Variants in PRKDC observed in about 807,000 individuals in gnomAD.
PRKDC encodes the protein DNA-dependent protein kinase catalytic subunit.
PRKDC carries 82 observed loss-of-function variants against 486.9 expected under a neutral mutation model. The ratio of observed to expected loss-of-function variants is 0.17; its 90% confidence interval spans 0.14 to 0.20. PRKDC has a LOEUF of 0.20. Among genes scored for constraint, PRKDC ranks in the 10% least tolerant of loss-of-function variants. The pLI, the probability that PRKDC is intolerant of heterozygous loss-of-function variation, is 1.00. For missense variants in PRKDC, 4,504 were observed against 5,038.2 expected, an observed-to-expected ratio of 0.89 and a Z score of 3.21; for synonymous variants, 1,895 against 1,837.0, an observed-to-expected ratio of 1.03 and a Z score of -0.81.
chr8:47,903,891 G>A (rs2154502411), intron 26 of PRKDC, among the ~76,000 whole-genome samples: 1 of 152,260 alleles, frequency 6.6e-6, no homozygotes, highest in Admixed American at 6.5e-5. Flanking sequence ...GGTAGACACT[G>A]CAGGGAATTA....
chr8:47,919,752 A>G (rs1369915438), intron 21 of PRKDC, among the ~76,000 whole-genome samples: 1 of 147,424 alleles, frequency 6.8e-6, no homozygotes, highest in Non-Finnish European at 1.5e-5. Context: ...GAGCTCCAAT[A>G]AGTTAAGAAT....
intron 19 of PRKDC, among the ~76,000 whole-genome samples, chr8:47,928,349 C>T (rs2090189461): frequency 6.6e-6 from 1 of 151,716 alleles, no homozygotes; most frequent in South Asian, 2.1e-4. Flanking sequence ...GATGGGATTT[C>T]GCCATGTTGG....
chr8:47,892,122 G>A (rs570170408), intron 31 of PRKDC, among the ~76,000 whole-genome samples: 1 of 152,178 alleles, frequency 6.6e-6, no homozygotes, highest in Admixed American at 6.5e-5. Flanking sequence ...TGCCCATCTC[G>A]GCCTCCCAAA....
At chr8:47,851,579 G>A (rs1419461818) in intron 52 of PRKDC, among the ~76,000 whole-genome samples, 1 of 152,200 alleles carries the variant, frequency 6.6e-6, no homozygotes. Context: ...CAGCCCAACA[G>A]TGACTATGGC....
chr8:47,916,583 G>C (rs544135969), intron 22 of PRKDC, among the ~76,000 whole-genome samples: 28 of 152,240 alleles, frequency 1.8e-4, no homozygotes, highest in Non-Finnish European at 3.7e-4. Context: ...GGCAGGCTCG[G>C]TTCATTTTAG....
intron 21 of PRKDC, among the ~76,000 whole-genome samples, chr8:47,919,549 A>G (rs2090040823): frequency 6.6e-6 from 1 of 152,148 alleles, no homozygotes; most frequent in African/African-American, 2.4e-5. Context: ...GCGCCGCGGG[A>G]GGGCACCTGC....
intron 31 of PRKDC, among the ~76,000 whole-genome samples, chr8:47,892,706 A>C (rs1012482992): frequency 3.9e-5 from 6 of 152,186 alleles, no homozygotes; most frequent in African/African-American, 1.4e-4. Flanking sequence ...AAGCAAAAAA[A>C]ACTTAATACT....
intron 44 of PRKDC, 85 bp from the exon 45 acceptor site, chr8:47,861,056 A>G: frequency 1.1e-6 from 1 of 905,984 alleles, no homozygotes; most frequent in Non-Finnish European, 1.6e-6. Flanking sequence ...CTGGCAAAAA[A>G]AAAATTATAA....
intron 40 of PRKDC, among the ~76,000 whole-genome samples, chr8:47,867,324 A>G (rs1442158654): frequency 1.3e-5 from 2 of 152,204 alleles, no homozygotes; most frequent in Admixed American, 6.5e-5. Context: ...TTAGTCATGT[A>G]AATATCATAC....
chr8:47,824,382 A>G (rs1563753284), intron 63 of PRKDC, among the ~76,000 whole-genome samples: 1 of 149,458 alleles, frequency 6.7e-6, no homozygotes, highest in African/African-American at 2.5e-5. Context: ...GCTGAGGCAG[A>G]GAACTGCTTG....
chr8:47,929,025 T>C (rs2090204679), intron 19 of PRKDC, 67 bp downstream of exon 19: 6 of 1,201,926 alleles, frequency 5.0e-6, no homozygotes, highest in Admixed American at 2.2e-5. Flanking sequence ...ATCACTAGGA[T>C]TTTTTCAATA....
chr8:47,840,303 C>T (rs2088111687), intron 54 of PRKDC, 114 bp from the exon 55 acceptor site: 1 of 739,686 alleles, frequency 1.4e-6, no homozygotes, highest in Admixed American at 3.0e-5. Flanking sequence ...ATAGATAACG[C>T]TACACTTATA....
intron 25 of PRKDC, 108 bp downstream of exon 25, chr8:47,912,302 G>A: frequency 7.9e-7 from 1 of 1,263,778 alleles, no homozygotes; most frequent in Non-Finnish European, 1.0e-6. Context: ...TCAGGGAGCA[G>A]TATCGTTCCT....
At chr8:47,902,183 T>C (rs2089698076) in intron 27 of PRKDC, among the ~76,000 whole-genome samples, 1 of 152,078 alleles carries the variant, frequency 6.6e-6, no homozygotes, top group South Asian at 2.1e-4. Context: ...CACCACCCAC[T>C]AACTTTGATC....
intron 54 of PRKDC, among the ~76,000 whole-genome samples, chr8:47,846,225 G>A: frequency 6.6e-6 from 1 of 152,050 alleles, no homozygotes; most frequent in Admixed American, 6.6e-5. Flanking sequence ...AGACCAGCCT[G>A]GTCAACATGA....
rs8178025 is a variant in PRKDC, at chr8:47,934,537, A to AAAAT, written c.1498-451_1498-448dup. Among the ~76,000 whole-genome samples the AAAAT allele has an allele frequency of 5.0e-3, 758 of 152,298 alleles. 8 individuals are homozygous for AAAAT. The highest frequency in any genetic ancestry group is 0.017 in the African/African-American group (717 of 41,558). ...GTGACAGAGCGAGACTCTGTCTCAA[A>AAAAT]AAATAAATAAATAAATAAATAGATA... On this transcript the variant is annotated intron_variant, in intron 14 of 85. Coordinates refer to ENST00000314191, the MANE Select transcript of PRKDC (RefSeq NM_006904.7).
At position 47,899,733 on chromosome 8, in the gene PRKDC, C is replaced by T. The variant is rs184062497; in HGVS notation, c.3364+640G>A. Among the ~76,000 whole-genome samples, 6 of 152,296 alleles carry T rather than the reference C, an allele frequency of 3.9e-5. No individual in the cohort carries two copies. In the East Asian group the frequency reaches 7.7e-4, roughly 20 times the overall value. On this transcript the variant is annotated intron_variant, in intron 28 of 85. Coordinates refer to ENST00000314191, the MANE Select transcript of PRKDC (RefSeq NM_006904.7). Reference sequence around the variant, plus strand: ...TGTGTGGCCGTCTCAGTCAATGACACGCCTGAGCCTCTGTGCCCCAACTAC... The same window carrying T: ...TGTGTGGCCGTCTCAGTCAATGACATGCCTGAGCCTCTGTGCCCCAACTAC...
At position 47,860,926 on chromosome 8, in the gene PRKDC, C is replaced by A. The variant is rs1467284761; in HGVS notation, c.6031G>T (p.Ala2011Ser). Residue 2011 changes from alanine to serine, a missense_variant, in exon 45 of 86, where the codon GCC becomes TCC. By Grantham distance (99) the Ala-to-Ser change is moderately conservative (BLOSUM62 1). Around this residue, in one of 6 missense-constraint regions of PRKDC, gnomAD observed 1,592 missense variants for 1,724.6 expected, o/e 0.92. Transcript: ENST00000314191. Reference sequence around the variant, plus strand: ...GAATCCCCATTTGCTGCTTCTCTGGCTTCTTTCCTAATTTCAATGTACTTT... The same window carrying A: ...GAATCCCCATTTGCTGCTTCTCTGGATTCTTTCCTAATTTCAATGTACTTT... ...KKKYIEIRKEAREAANGDSDG... is the reference protein window; with the variant it reads ...KKKYIEIRKESREAANGDSDG... The A allele has an allele frequency of 1.9e-6, 3 of 1,609,246 alleles. No homozygotes were observed. The highest frequency in any genetic ancestry group is 2.5e-6 in the Non-Finnish European group (3 of 1,177,930).
chr8:47,843,337 GA>G (rs1174523919), intron 54 of PRKDC, among the ~76,000 whole-genome samples: 2 of 150,922 alleles, frequency 1.3e-5, no homozygotes, highest in Non-Finnish European at 3.0e-5. Context: ...AACCCAGTCA[GA>G]AAAAAATAAA....
Sources: allele counts gnomAD v4.1 joint callset (sites outside exome capture counted in the v4.1 genomes callset), GRCh38; gene constraint gnomAD v4.1.1; regional missense constraint gnomAD v4.1.1; transcripts MANE v1.5; gene names NCBI Gene and HGNC (gene_info 2026-07-23, HGNC 2026-07-21).